Variants in MTUS1 observed in about 807,000 individuals in gnomAD.
MTUS1 encodes microtubule-associated tumor suppressor 1.
MTUS1 carries 109 observed loss-of-function variants against 120.8 expected under a neutral mutation model. The ratio of observed to expected loss-of-function variants is 0.90; its 90% confidence interval spans 0.77 to 1.06. The LOEUF is 1.06. Ranked by LOEUF, MTUS1 falls within the 50% of genes least tolerant of loss-of-function variation. MTUS1 has a pLI of 0.00. For synonymous variants in MTUS1, 737 were observed against 550.5 expected, an observed-to-expected ratio of 1.34 and a Z score of -4.74; for missense variants, 2,210 against 1,486.3, an observed-to-expected ratio of 1.49 and a Z score of -8.01.
At chr8:17,731,806 T>C (rs1317686929) in intron 3 of MTUS1, among the ~76,000 whole-genome samples, 1 of 152,240 alleles carries the variant, frequency 6.6e-6, no homozygotes, top group Non-Finnish European at 1.5e-5. Flanking sequence ...ATAACTTTTA[T>C]TATTATTCTT....
chr8:17,725,678 T>C (rs1563274620), intron 3 of MTUS1, among the ~76,000 whole-genome samples: 1 of 152,148 alleles, frequency 6.6e-6, no homozygotes, highest in African/African-American at 2.4e-5. Context: ...AATCTAAAAT[T>C]TGGGATTCTC....
intron 3 of MTUS1, among the ~76,000 whole-genome samples, chr8:17,733,394 T>C (rs559591703): frequency 1.3e-5 from 2 of 152,050 alleles, no homozygotes; most frequent in Non-Finnish European, 2.9e-5. Flanking sequence ...GTCTCCATTA[T>C]ATACATAAAC....
At chr8:17,674,415 T>C in intron 8 of MTUS1, 1 of 958,492 alleles carries the variant, frequency 1.0e-6, no homozygotes, top group South Asian at 4.9e-5. Context: ...CAAGATTCCG[T>C]CTCAAAAAAA....
intron 1 of MTUS1, among the ~76,000 whole-genome samples, chr8:17,776,695 A>G (rs1377055987): frequency 6.6e-6 from 1 of 151,354 alleles, no homozygotes; most frequent in East Asian, 1.9e-4. Context: ...AAAAAAAAAA[A>G]AAAAAAAAAA....
At chr8:17,791,004 T>C (rs998732208) in intron 1 of MTUS1, among the ~76,000 whole-genome samples, 4 of 152,024 alleles carry the variant, frequency 2.6e-5, no homozygotes, top group Admixed American at 6.6e-5. Context: ...AGAAGTTTTA[T>C]CCCATTTCAG....
chr8:17,675,114 G>C lies in MTUS1; in HGVS notation c.2905+72C>G. 4 of 1,603,630 alleles carry C rather than the reference G, an allele frequency of 2.5e-6. No individual in the cohort carries two copies. The South Asian group carries it at 4.4e-5, about 18-fold the overall frequency. On this transcript the variant is annotated intron_variant, in intron 8 of 14. Coordinates refer to ENST00000693296, the MANE Select transcript of MTUS1 (RefSeq NM_001363059.2). ...AGCATGCAACTCCAGCCACAACGCA[G>C]ACAGGACAACCACATTTTCCAGTGT...
chr8:17,651,021 C>T (rs986716369), intron 12 of MTUS1, among the ~76,000 whole-genome samples: 16 of 152,154 alleles, frequency 1.1e-4, no homozygotes, highest in Admixed American at 2.6e-4. Flanking sequence ...AATCCAAACC[C>T]CTTACTTCAC....
intron 3 of MTUS1, among the ~76,000 whole-genome samples, chr8:17,742,918 G>A (rs1003325775): frequency 6.6e-6 from 1 of 152,156 alleles, no homozygotes; most frequent in Non-Finnish European, 1.5e-5. Flanking sequence ...CAGAAGTAAG[G>A]TGGGTTCTTT....
At chr8:17,708,532 C>T (rs1820610036) in intron 6 of MTUS1, among the ~76,000 whole-genome samples, 1 of 152,220 alleles carries the variant, frequency 6.6e-6, no homozygotes, top group Non-Finnish European at 1.5e-5. Context: ...CTTTGGAAAA[C>T]AGCCTGGAGG....
At chr8:17,759,093 G>A (rs1465747888) in intron 1 of MTUS1, among the ~76,000 whole-genome samples, 1 of 151,880 alleles carries the variant, frequency 6.6e-6, no homozygotes, top group Non-Finnish European at 1.5e-5. Context: ...GTGTTAGCCA[G>A]CATGGTCTTG....
chr8:17,741,148 G>C (rs1308869288), intron 3 of MTUS1, among the ~76,000 whole-genome samples: 3 of 151,946 alleles, frequency 2.0e-5, no homozygotes, highest in Non-Finnish European at 4.4e-5. Context: ...CAAAGTGCTG[G>C]GATTACAAGC....
intron 1 of MTUS1, chr8:17,800,714 CG>C (rs1241786106): frequency 6.6e-6 from 1 of 152,256 alleles, no homozygotes; most frequent in African/African-American, 2.4e-5. Context: ...CCCGCTTTCT[CG>C]GCCCCGCTTG....
At chr8:17,717,943 T>C (rs558777195) in intron 4 of MTUS1, among the ~76,000 whole-genome samples, 1 of 152,354 alleles carries the variant, frequency 6.6e-6, no homozygotes, top group African/African-American at 2.4e-5. Flanking sequence ...CATGCATTTA[T>C]ATTTTATACA....
intron 5 of MTUS1, among the ~76,000 whole-genome samples, chr8:17,714,583 T>C (rs1179940819): frequency 6.6e-6 from 1 of 152,138 alleles, no homozygotes; most frequent in Non-Finnish European, 1.5e-5. Flanking sequence ...AACCATAGAA[T>C]AGCCATTTAA....
chr8:17,708,457 GA>G (rs1662983952), intron 6 of MTUS1, among the ~76,000 whole-genome samples: 1 of 152,180 alleles, frequency 6.6e-6, no homozygotes, highest in South Asian at 2.1e-4. Flanking sequence ...GCCAAGTGTT[GA>G]CAAGGCTGTG....
At chr8:17,663,585 T>TTTTTGTTTTG (rs752650189) in intron 8 of MTUS1, among the ~76,000 whole-genome samples, 49 of 106,702 alleles carry the variant, frequency 4.6e-4, no homozygotes, top group African/African-American at 1.3e-3. Context: ...CTAAGCCTAC[T>TTTTTGTTTTG]TTTTGTTTTG....
At chr8:17,665,381 G>C (rs1405062081) in intron 8 of MTUS1, among the ~76,000 whole-genome samples, 1 of 152,146 alleles carries the variant, frequency 6.6e-6, no homozygotes, top group African/African-American at 2.4e-5. Context: ...TTAAAACTCA[G>C]TTCATACTTT....
At chr8:17,752,241 G>GT (rs1244065015) in intron 2 of MTUS1, among the ~76,000 whole-genome samples, 2 of 152,060 alleles carry the variant, frequency 1.3e-5, no homozygotes. Context: ...TTATGATAGA[G>GT]TTTTTGGTAG....
intron 3 of MTUS1, among the ~76,000 whole-genome samples, chr8:17,738,196 G>A (rs958546412): frequency 6.6e-6 from 1 of 152,148 alleles, no homozygotes; most frequent in African/African-American, 2.4e-5. Context: ...TCTTTCAGGA[G>A]GCCTTTCTTC....
Sources: allele counts gnomAD v4.1 joint callset (sites outside exome capture counted in the v4.1 genomes callset), GRCh38; gene constraint gnomAD v4.1.1; transcripts MANE v1.5; gene names NCBI Gene and HGNC (gene_info 2026-07-23, HGNC 2026-07-21).